The following CCDC50 variants were observed in gnomAD, a reference collection of about 807,000 sequenced individuals.
CCDC50 encodes the protein coiled-coil domain-containing protein 50.
A neutral mutation model predicts 70.2 loss-of-function variants in CCDC50; 54 were observed. That is an observed-to-expected ratio of 0.77 (90% CI 0.62 to 0.96). CCDC50 has a LOEUF of 0.96. Among genes scored for constraint, CCDC50 ranks in the 50% least tolerant of loss-of-function variants. CCDC50 has a pLI of 0.00. For missense variants in CCDC50, 558 were observed against 578.7 expected (o/e 0.96, Z 0.37); for synonymous variants, 216 against 198.8 (o/e 1.09, Z -0.73).
At chr3:191,379,261 T>A (rs1713223767) in intron 6 of CCDC50, among the ~76,000 whole-genome samples, 2 of 152,064 alleles carry the variant, frequency 1.3e-5, no homozygotes, top group Admixed American at 1.3e-4. Flanking sequence ...TTTTTATACG[T>A]GTTCAAAGCA....
At chr3:191,348,511 G>T (rs751043612) in intron 1 of CCDC50, among the ~76,000 whole-genome samples, 1 of 142,340 alleles carries the variant, frequency 7.0e-6, no homozygotes, top group Admixed American at 7.2e-5. Context: ...GGACAGTCTA[G>T]TAGTGGGATT....
intron 1 of CCDC50, among the ~76,000 whole-genome samples, chr3:191,334,074 T>G (rs1469557425): frequency 6.6e-6 from 1 of 152,206 alleles, no homozygotes; most frequent in Non-Finnish European, 1.5e-5. Context: ...TAATTTTTTG[T>G]TCTAAGTACA....
intron 1 of CCDC50, among the ~76,000 whole-genome samples, chr3:191,337,645 T>C (rs116756803): frequency 0.026 from 3,880 of 152,030 alleles, 148 homozygotes; most frequent in African/African-American, 0.089. Flanking sequence ...ACCCAGCCTC[T>C]TTTTTTAAGA....
At chr3:191,358,772 T>C (rs1712382360) in intron 3 of CCDC50, among the ~76,000 whole-genome samples, 1 of 152,170 alleles carries the variant, frequency 6.6e-6, no homozygotes. Context: ...TCTTTGAGAG[T>C]GGCTCTTACA....
At position 191,374,027 on chromosome 3, in the gene CCDC50, TC is replaced by T. The variant is rs1713003333; in HGVS notation, c.449-1033del. ...AAATGCAGTTCAGCAAGTGGTTAAT[TC>T]CATCGGGGAATCTTAGCTTTCATAG... On this transcript the variant is annotated intron_variant, in intron 5 of 11. Transcript: ENST00000392455. 5.3e-5 allele frequency among the ~76,000 whole-genome samples: 8 copies of T among 152,302 alleles called. No homozygotes were observed. In the South Asian group the frequency reaches 1.7e-3, roughly 32 times the overall value.
rs1713922790 is a variant in CCDC50 at position 191,398,148 on chromosome 3, T to G, written c.*6388T>G. ...TTTCATGTGTCTTGGGAGGTTGAGGTGTTCAACATCGTTAAGGCACTCCCA... is the reference window on the plus strand; with the variant it reads ...TTTCATGTGTCTTGGGAGGTTGAGGGGTTCAACATCGTTAAGGCACTCCCA... On this transcript the variant is annotated 3_prime_UTR_variant, in exon 12 of 12. Coordinates refer to ENST00000392455, the MANE Select transcript of CCDC50 (RefSeq NM_178335.3). The G allele has an allele frequency of 6.6e-6, 1 of 152,180 alleles. No individual in the cohort carries two copies. Among genetic ancestry groups the G allele is most frequent in the Non-Finnish European group, 1.5e-5 (1 of 68,022 alleles). 9.4% of individuals were successfully genotyped at this position (152,180 alleles called of 1,614,324 possible). A position where few individuals can be genotyped will look rare whatever the true frequency, so the allele number is the denominator to read the frequency against.
At chr3:191,374,969 C>A in intron 5 of CCDC50, 93 bp from the exon 6 acceptor site, 3 of 1,293,052 alleles carry the variant, frequency 2.3e-6, no homozygotes, top group Non-Finnish European at 3.3e-6. Context: ...GTACGTTAAA[C>A]TGGAGCCCAG....
chr3:191,370,308 C>T, intron 5 of CCDC50: 1 of 360,508 alleles, frequency 2.8e-6, no homozygotes, highest in Non-Finnish European at 5.4e-6. Flanking sequence ...TGGTGTGCTG[C>T]ACCCATTAAC....
intron 6 of CCDC50, among the ~76,000 whole-genome samples, chr3:191,378,367 G>T (rs976836185): frequency 6.6e-6 from 1 of 152,052 alleles, no homozygotes; most frequent in Non-Finnish European, 1.5e-5. Context: ...AAAACTGAAA[G>T]TGAAAAATCT....
chr3:191,368,656 A>G (rs1253510960), intron 4 of CCDC50, among the ~76,000 whole-genome samples: 1 of 152,154 alleles, frequency 6.6e-6, no homozygotes, highest in Non-Finnish European at 1.5e-5. Context: ...AATTTGAAGA[A>G]TAGTAATTCT....
chr3:191,343,498 A>G (rs73888564), intron 1 of CCDC50, among the ~76,000 whole-genome samples: 3,981 of 152,358 alleles, frequency 0.026, 184 homozygotes, highest in African/African-American at 0.091. Flanking sequence ...ACGAAATTTT[A>G]TAAACCCATT....
At chr3:191,361,038 C>T (rs2108651332) in intron 3 of CCDC50, 31 bp from the exon 4 acceptor site, 1 of 1,427,510 alleles carries the variant, frequency 7.0e-7, no homozygotes, top group Non-Finnish European at 9.9e-7. Flanking sequence ...TTTTTATTTT[C>T]CTTATTCATG....
rs1421223082 is a variant in CCDC50, at chr3:191,380,678, A to G, written c.1093-9A>G. ...TAAATTCTTTGTTTTTGTATTTTCG[A>G]TATCATAGGCTACCCAGGTGGACAT... On this transcript the variant is annotated splice_polypyrimidine_tract_variant and intron_variant, in intron 7 of 11. Coordinates refer to ENST00000392455, the MANE Select transcript of CCDC50 (RefSeq NM_178335.3). 4 of 1,611,670 alleles carry G rather than the reference A, an allele frequency of 2.5e-6. No individual in the cohort carries two copies. Among genetic ancestry groups the G allele is most frequent in the African/African-American group, 1.3e-5 (1 of 74,990 alleles).
At chr3:191,363,929 T>C (rs1345707319) in intron 4 of CCDC50, among the ~76,000 whole-genome samples, 1 of 152,182 alleles carries the variant, frequency 6.6e-6, no homozygotes, top group East Asian at 1.9e-4. Flanking sequence ...CATTGAGGGA[T>C]ATATGAAAAT....
chr3:191,370,042 A>C lies in CCDC50; in HGVS notation c.448+6A>C. On this transcript the variant is annotated splice_donor_region_variant and intron_variant, in intron 5 of 11. Transcript: ENST00000392455. Reference sequence around the variant, plus strand: ...TTACTATTATGAAGATGGAGGTAACAATTCCTGCATCATGATCTATTCTAT... The same window carrying C: ...TTACTATTATGAAGATGGAGGTAACCATTCCTGCATCATGATCTATTCTAT... 1.3e-6 allele frequency: 2 copies of C among 1,524,654 alleles called. No individual in the cohort carries two copies. The highest frequency in any genetic ancestry group is 1.8e-6 in the Non-Finnish European group (2 of 1,099,110). 94.4% of individuals were successfully genotyped at this position (1,524,654 alleles called of 1,614,324 possible).
intron 3 of CCDC50, 79 bp from the exon 4 acceptor site, chr3:191,360,990 C>A (rs921011338): frequency 6.3e-6 from 6 of 945,848 alleles, no homozygotes; most frequent in Non-Finnish European, 1.0e-5. Context: ...AGTGAGTATT[C>A]AATAAATTGT....
intron 5 of CCDC50, among the ~76,000 whole-genome samples, chr3:191,370,444 TGTGA>T (rs920249469): frequency 6.9e-6 from 1 of 145,288 alleles, no homozygotes; most frequent in Non-Finnish European, 1.5e-5. Context: ...AATTCCCACC[TGTGA>T]GTGAGAACAT....
At chr3:191,387,651 C>T (rs1367248224) in intron 10 of CCDC50, among the ~76,000 whole-genome samples, 2 of 151,916 alleles carry the variant, frequency 1.3e-5, no homozygotes, top group Admixed American at 1.3e-4. Flanking sequence ...CATTCTAGAA[C>T]AGTACCCTTA....
At chr3:191,364,968 G>A (rs1001403297) in intron 4 of CCDC50, among the ~76,000 whole-genome samples, 10 of 151,966 alleles carry the variant, frequency 6.6e-5, no homozygotes, top group Admixed American at 3.3e-4. Flanking sequence ...TAGACTTTGG[G>A]TATACTGGAC....
Sources: gnomAD v4.1 joint callset for allele counts (sites outside exome capture counted in the v4.1 genomes callset) on GRCh38, gnomAD v4.1.1 for gene constraint, MANE v1.5 for transcripts, NCBI Gene and HGNC (gene_info 2026-07-23, HGNC 2026-07-21) for gene names.